CNTNAP2: variants seen among roughly 807,000 people sequenced by gnomAD.
CNTNAP2 encodes contactin-associated protein-like 2.
A neutral mutation model predicts 155.2 loss-of-function variants in CNTNAP2; 98 were observed. The observed-to-expected ratio is 0.63, with a 90% CI of 0.54 to 0.75. CNTNAP2 has a LOEUF of 0.75. CNTNAP2 is among the 30% of genes least tolerant of loss of function. The probability of loss-of-function intolerance (pLI) is 0.00; values close to 1 mark genes in which losing one functional copy is unlikely to be tolerated. For missense variants in CNTNAP2, 1,727 were observed against 1,688.1 expected (o/e 1.02, Z -0.40); for synonymous variants, 651 against 631.2 (o/e 1.03, Z -0.47).
Position 147,968,161 on chromosome 7 carries a change from T to C in CNTNAP2, c.2256-9701T>C, listed in dbSNP as rs144301552. ...TTGTACAAAGTTCCATGAAACAATA[T>C]ATCTGCCCTCAGGGAACTTGCTTTC... On this transcript the variant is annotated intron_variant, in intron 14 of 23. Transcript: ENST00000361727. Among the ~76,000 whole-genome samples, 750 of 152,340 alleles carry C rather than the reference T, an allele frequency of 4.9e-3. 8 individuals are homozygous for C. The highest frequency in any genetic ancestry group is 0.017 in the African/African-American group (724 of 41,580).
intron 13 of CNTNAP2, among the ~76,000 whole-genome samples, chr7:147,794,852 A>G (rs989199712): frequency 1.3e-5 from 2 of 151,494 alleles, no homozygotes; most frequent in African/African-American, 4.8e-5. Context: ...TGTCCTTTGC[A>G]TCTTGTTTAA....
chr7:146,852,925 C>T (rs1359492776), intron 3 of CNTNAP2, among the ~76,000 whole-genome samples: 1 of 152,190 alleles, frequency 6.6e-6, no homozygotes, highest in East Asian at 1.9e-4. Flanking sequence ...CGCACAGTGA[C>T]TGTCTCGTTT....
intron 1 of CNTNAP2, among the ~76,000 whole-genome samples, chr7:146,227,020 C>A (rs1381363422): frequency 1.3e-5 from 2 of 152,046 alleles, no homozygotes; most frequent in South Asian, 4.1e-4. Flanking sequence ...GCAGAGAATA[C>A]AACTATGTAT....
chr7:147,396,182 CATAT>C (rs58129350), intron 10 of CNTNAP2, among the ~76,000 whole-genome samples: 93,311 of 145,296 alleles, frequency 0.64, 30,914 homozygotes, highest in African/African-American at 0.82. Context: ...ATATATATAG[CATAT>C]ATATATATAT....
intron 9 of CNTNAP2, among the ~76,000 whole-genome samples, chr7:147,326,147 AT>A (rs1254988844): frequency 6.6e-6 from 1 of 152,146 alleles, no homozygotes; most frequent in African/African-American, 2.4e-5. Flanking sequence ...GATGGTCTCG[AT>A]CTCCTGACCT....
At chr7:147,175,107 G>C (rs2116485412) in intron 8 of CNTNAP2, among the ~76,000 whole-genome samples, 1 of 152,132 alleles carries the variant, frequency 6.6e-6, no homozygotes, top group South Asian at 2.1e-4. Flanking sequence ...TGTAGGGAAA[G>C]GTAGATTAAC....
intron 8 of CNTNAP2, among the ~76,000 whole-genome samples, chr7:147,157,822 C>G (rs2116446827): frequency 6.6e-6 from 1 of 152,050 alleles, no homozygotes; most frequent in South Asian, 2.1e-4. Context: ...CACCCAGATT[C>G]CAATGTACCA....
At chr7:146,961,644 A>C (rs1797559667) in intron 3 of CNTNAP2, among the ~76,000 whole-genome samples, 1 of 152,152 alleles carries the variant, frequency 6.6e-6, no homozygotes. Context: ...AGAAATGGGA[A>C]CGAAAATAAT....
At chr7:147,813,076 A>C (rs1489217261) in intron 13 of CNTNAP2, among the ~76,000 whole-genome samples, 1 of 152,054 alleles carries the variant, frequency 6.6e-6, no homozygotes, top group Non-Finnish European at 1.5e-5. Flanking sequence ...ATGCTAAAAA[A>C]TTGTTTCACT....
At chr7:147,804,126 C>T (rs998729217) in intron 13 of CNTNAP2, among the ~76,000 whole-genome samples, 6 of 152,160 alleles carry the variant, frequency 3.9e-5, no homozygotes, top group African/African-American at 1.2e-4. Context: ...GATGGTGCAT[C>T]TAGATCTTTA....
chr7:148,289,041 C>G (rs1444468864), intron 21 of CNTNAP2, among the ~76,000 whole-genome samples: 1 of 151,502 alleles, frequency 6.6e-6, no homozygotes, highest in African/African-American at 2.4e-5. Context: ...TGGTGGGATT[C>G]CTACCTAGCA....
chr7:147,342,871 G>T (rs6945513), intron 9 of CNTNAP2, among the ~76,000 whole-genome samples: 59,355 of 151,814 alleles, frequency 0.39, 11,890 homozygotes, highest in South Asian at 0.49. Context: ...GATAAACAAT[G>T]CATGAATAAA....
At chr7:147,392,787 G>C (rs1584920855) in intron 9 of CNTNAP2, among the ~76,000 whole-genome samples, 1 of 151,952 alleles carries the variant, frequency 6.6e-6, no homozygotes, top group African/African-American at 2.4e-5. Flanking sequence ...TGTGGAACCA[G>C]CTCAAATGCT....
chr7:146,118,410 G>A (rs1019391204), intron 1 of CNTNAP2, among the ~76,000 whole-genome samples: 2 of 152,068 alleles, frequency 1.3e-5, no homozygotes, highest in African/African-American at 4.8e-5. Flanking sequence ...TATAATGCTT[G>A]CTGTTGATAT....
chr7:147,607,699 T>C (rs374387333), intron 12 of CNTNAP2, among the ~76,000 whole-genome samples: 1 of 152,182 alleles, frequency 6.6e-6, no homozygotes, highest in African/African-American at 2.4e-5. Flanking sequence ...AATCCTCCTG[T>C]CCTTTTCAAT....
In CNTNAP2 at chr7:147,161,064, G is replaced by A. The variant is rs139053695; in HGVS notation, c.1348+28555G>A. Among the ~76,000 whole-genome samples, 30 of 152,262 alleles carry A rather than the reference G, an allele frequency of 2.0e-4. No homozygotes were observed. The East Asian group carries it at 5.6e-3, about 28-fold the overall frequency. ...AGTGAACAGGTAAGTGTGAAAGAAC[G>A]TAGTGACCAGTTGCAAGGGGTGGGT... is the stretch of plus-strand genomic sequence containing the variant. On this transcript the variant is annotated intron_variant, in intron 8 of 23. Coordinates refer to ENST00000361727, the MANE Select transcript of CNTNAP2 (RefSeq NM_014141.6).
chr7:147,373,498 G>T (rs1193129838), intron 9 of CNTNAP2, among the ~76,000 whole-genome samples: 1 of 151,866 alleles, frequency 6.6e-6, no homozygotes, highest in Non-Finnish European at 1.5e-5. Flanking sequence ...ATTTTTTACT[G>T]GTTAAATTAT....
chr7:147,711,513 G>A (rs966019881), intron 13 of CNTNAP2, among the ~76,000 whole-genome samples: 1 of 152,180 alleles, frequency 6.6e-6, no homozygotes, highest in African/African-American at 2.4e-5. Context: ...GAAAAGCACT[G>A]CTCTATAGGA....
chr7:147,677,386 T>A (rs932529576), intron 13 of CNTNAP2, among the ~76,000 whole-genome samples: 1 of 151,942 alleles, frequency 6.6e-6, no homozygotes, highest in Admixed American at 6.6e-5. Flanking sequence ...ATTGAGTTGT[T>A]TGAGTTCCTT....
Sources: gnomAD v4.1 joint callset for allele counts (sites outside exome capture counted in the v4.1 genomes callset) on GRCh38, gnomAD v4.1.1 for gene constraint, MANE v1.5 for transcripts, NCBI Gene and HGNC (gene_info 2026-07-23, HGNC 2026-07-21) for gene names.